The following SLC35F1 variants were observed in gnomAD, a reference collection of about 807,000 sequenced individuals.
The protein encoded by SLC35F1 is chromosome 6 open reading frame 169.
SLC35F1 carries 14 observed loss-of-function variants against 48.7 expected under a neutral mutation model. The observed-to-expected ratio is 0.29, with a 90% CI of 0.19 to 0.45. The LOEUF is 0.45. Among genes scored for constraint, SLC35F1 ranks in the 20% least tolerant of loss-of-function variants. SLC35F1 has a pLI of 1.00. For synonymous variants in SLC35F1, 190 were observed against 202.2 expected (o/e 0.94, Z 0.51); for missense variants, 404 against 500.0 (o/e 0.81, Z 1.83).
intron 1 of SLC35F1, among the ~76,000 whole-genome samples, chr6:118,147,496 T>C (rs1473315680): frequency 6.6e-6 from 1 of 151,990 alleles, no homozygotes; most frequent in East Asian, 1.9e-4. Flanking sequence ...AAAGGATGAA[T>C]ATTGAAAGGG....
intron 2 of SLC35F1, among the ~76,000 whole-genome samples, chr6:118,221,823 A>G (rs1186380826): frequency 6.6e-6 from 1 of 152,164 alleles, no homozygotes; most frequent in Non-Finnish European, 1.5e-5. Flanking sequence ...TATCATTTTA[A>G]TTTGTAACTA....
chr6:118,171,636 A>G (rs79091435), intron 2 of SLC35F1, among the ~76,000 whole-genome samples: 2 of 152,166 alleles, frequency 1.3e-5, no homozygotes, highest in African/African-American at 2.4e-5. Context: ...AAGTGTCACC[A>G]TTGAATATTA....
chr6:117,947,425 G>A (rs1337549751), intron 1 of SLC35F1, among the ~76,000 whole-genome samples: 47 of 152,176 alleles, frequency 3.1e-4, no homozygotes, highest in Non-Finnish European at 1.6e-4. Context: ...CTAGCACAAT[G>A]AGTCATTTGG....
At chr6:118,297,773 T>A (rs1434795739) in intron 7 of SLC35F1, among the ~76,000 whole-genome samples, 1 of 125,870 alleles carries the variant, frequency 7.9e-6, no homozygotes, top group Non-Finnish European at 1.7e-5. Context: ...ATAATATATA[T>A]ATATACACAC....
At chr6:118,232,803 G>C (rs988089792) in intron 2 of SLC35F1, among the ~76,000 whole-genome samples, 1 of 152,096 alleles carries the variant, frequency 6.6e-6, no homozygotes, top group Admixed American at 6.5e-5. Flanking sequence ...CTCTGTGGTT[G>C]TATCTCTTTG....
intron 1 of SLC35F1, among the ~76,000 whole-genome samples, chr6:118,042,436 T>A (rs1211179896): frequency 1.3e-5 from 2 of 152,132 alleles, no homozygotes; most frequent in Non-Finnish European, 2.9e-5. Flanking sequence ...CTGGGGAGCA[T>A]GAAGAAGGTC....
intron 1 of SLC35F1, among the ~76,000 whole-genome samples, chr6:117,947,639 C>G (rs1047771565): frequency 6.6e-6 from 1 of 152,080 alleles, no homozygotes; most frequent in Non-Finnish European, 1.5e-5. Context: ...ATCAGGATTT[C>G]TGTACTGATT....
rs141569922 is a variant in SLC35F1 at position 118,044,891 on chromosome 6, T to C, written c.174-109554T>C. ...CTCTGTCTCTATGAGATGCAATCCT[T>C]CTAATTTAGGAAGGGGAGAGGGAAT... is the stretch of plus-strand genomic sequence containing the variant. On this transcript the variant is annotated intron_variant, in intron 1 of 7. Coordinates refer to ENST00000360388, the MANE Select transcript of SLC35F1 (RefSeq NM_001029858.4). Among the ~76,000 whole-genome samples the C allele has an allele frequency of 2.4e-4, 36 of 152,200 alleles. No individual in the cohort carries two copies. In the South Asian group the frequency reaches 3.5e-3, roughly 15 times the overall value.
chr6:117,963,198 G>A (rs972763330), intron 1 of SLC35F1, among the ~76,000 whole-genome samples: 1 of 152,096 alleles, frequency 6.6e-6, no homozygotes, highest in African/African-American at 2.4e-5. Flanking sequence ...GTACATCATT[G>A]CTGATCTATA....
intron 1 of SLC35F1, among the ~76,000 whole-genome samples, chr6:118,058,626 C>T (rs1041777848): frequency 6.6e-6 from 1 of 152,138 alleles, no homozygotes. Flanking sequence ...TTGAAATAGT[C>T]AACTTATTTA....
chr6:118,112,993 A>C (rs1773430398), intron 1 of SLC35F1, among the ~76,000 whole-genome samples: 1 of 152,212 alleles, frequency 6.6e-6, no homozygotes, highest in Non-Finnish European at 1.5e-5. Context: ...AAAGACAGAC[A>C]ATTTAAAAAT....
intron 1 of SLC35F1, among the ~76,000 whole-genome samples, chr6:118,058,560 A>C (rs1301702248): frequency 2.6e-5 from 4 of 152,220 alleles, no homozygotes; most frequent in African/African-American, 9.6e-5. Flanking sequence ...TATATTATTC[A>C]TCAAGCTCTT....
Position 118,194,358 on chromosome 6 carries a change from T to C in SLC35F1, c.349+39738T>C, listed in dbSNP as rs183287085. ...AAAGTACTCATTCCCTAAGCCAGGA[T>C]TCAACCTGGACCACCATTGTAAAAT... is the stretch of plus-strand genomic sequence containing the variant. On this transcript the variant is annotated intron_variant, in intron 2 of 7. Transcript: ENST00000360388. Among the ~76,000 whole-genome samples the C allele has an allele frequency of 5.1e-3, 779 of 152,286 alleles. 5 individuals are homozygous for C. The highest frequency in any genetic ancestry group is 8.2e-3 in the Non-Finnish European group (561 of 68,024).
At chr6:118,067,431 A>T (rs1023166555) in intron 1 of SLC35F1, among the ~76,000 whole-genome samples, 1 of 152,134 alleles carries the variant, frequency 6.6e-6, no homozygotes, top group African/African-American at 2.4e-5. Flanking sequence ...AGTCAGAGGG[A>T]AAAGAGAAAA....
intron 5 of SLC35F1, among the ~76,000 whole-genome samples, chr6:118,276,608 A>C (rs1775921238): frequency 1.3e-5 from 2 of 152,228 alleles, no homozygotes; most frequent in African/African-American, 2.4e-5. Flanking sequence ...TGGCATTTTA[A>C]AGCTCCTAAA....
intron 3 of SLC35F1, among the ~76,000 whole-genome samples, chr6:118,240,160 A>G (rs903725616): frequency 6.6e-6 from 1 of 152,252 alleles, no homozygotes; most frequent in African/African-American, 2.4e-5. Context: ...GCCTTGCCCT[A>G]TGGGAGCTTA....
chr6:118,125,083 C>G (rs1773604796), intron 1 of SLC35F1, among the ~76,000 whole-genome samples: 1 of 152,170 alleles, frequency 6.6e-6, no homozygotes, highest in African/African-American at 2.4e-5. Flanking sequence ...TTTGCACAAA[C>G]TCATGTGTCT....
intron 1 of SLC35F1, among the ~76,000 whole-genome samples, chr6:118,117,760 G>A (rs1257747481): frequency 6.6e-6 from 1 of 152,088 alleles, no homozygotes; most frequent in Non-Finnish European, 1.5e-5. Flanking sequence ...CCCAGACTGA[G>A]GTAGCCCTAG....
At chr6:118,190,164 T>G (rs1774713019) in intron 2 of SLC35F1, among the ~76,000 whole-genome samples, 1 of 152,166 alleles carries the variant, frequency 6.6e-6, no homozygotes, top group Admixed American at 6.5e-5. Context: ...ACTATTACCT[T>G]GTAAATGTAC....
Sources: gnomAD v4.1 joint callset for allele counts (sites outside exome capture counted in the v4.1 genomes callset) on GRCh38, gnomAD v4.1.1 for gene constraint, MANE v1.5 for transcripts, NCBI Gene and HGNC (gene_info 2026-07-23, HGNC 2026-07-21) for gene names.